C9orf72: variants seen among roughly 807,000 people sequenced by gnomAD.
The protein encoded by C9orf72 is guanine nucleotide exchange factor C9orf72.
A neutral mutation model predicts 51.6 loss-of-function variants in C9orf72; 44 were observed. The observed-to-expected ratio is 0.85, with a 90% CI of 0.67 to 1.10. The LOEUF (loss-of-function observed/expected upper bound fraction) is 1.10, where lower values mean the gene tolerates loss of function less well. Among genes scored for constraint, C9orf72 ranks in the 50% least tolerant of loss-of-function variants. The pLI, the probability that C9orf72 is intolerant of heterozygous loss-of-function variation, is 0.00. For synonymous variants in C9orf72, 213 were observed against 194.2 expected (o/e 1.10, Z -0.81); for missense variants, 607 against 570.6 (o/e 1.06, Z -0.65).
At position 27,550,180 on chromosome 9, in the gene C9orf72, A is replaced by G. The variant is rs570497304; in HGVS notation, c.1149+470T>C. Among the ~76,000 whole-genome samples, 11 of 150,262 alleles carry G rather than the reference A, an allele frequency of 7.3e-5. No individual in the cohort carries two copies. In the South Asian group the frequency reaches 2.3e-3, roughly 31 times the overall value. On this transcript the variant is annotated intron_variant, in intron 9 of 10. Coordinates refer to ENST00000380003, the MANE Select transcript of C9orf72 (RefSeq NM_018325.5). Reference sequence around the variant, plus strand: ...GGTAATATGTATATATGCTCGTACTATATATATATACACACACAAACATAT... The same window carrying G: ...GGTAATATGTATATATGCTCGTACTGTATATATATACACACACAAACATAT...
Position 27,558,487 on chromosome 9 carries a change from A to G in C9orf72, c.855+4T>C. ...GTTTCACTTGTGATAACTAGAAACT[A>G]TACCTTTAGCAGGCCTTGTACAAAG... On this transcript the variant is annotated splice_donor_region_variant and intron_variant, in intron 7 of 10. Transcript: ENST00000380003. The G allele has an allele frequency of 6.7e-7, 1 of 1,488,480 alleles. No homozygotes were observed. The highest frequency in any genetic ancestry group is 9.3e-7 in the Non-Finnish European group (1 of 1,079,390). The allele number at this position is 1,488,480 out of a possible 1,614,324, so 92.2% of individuals were successfully genotyped here.
At chr9:27,561,518 T>C (rs1391761066) in intron 5 of C9orf72, 67 bp downstream of exon 5, 1 of 1,590,250 alleles carries the variant, frequency 6.3e-7, no homozygotes, top group African/African-American at 1.4e-5. Flanking sequence ...TTCTTCCAAA[T>C]CTTGTCATAG....
At chr9:27,563,410 T>C (rs1819396296) in intron 3 of C9orf72, among the ~76,000 whole-genome samples, 1 of 152,204 alleles carries the variant, frequency 6.6e-6, no homozygotes, top group African/African-American at 2.4e-5. Context: ...ATCAGTTTTG[T>C]GACCAACTTG....
intron 8 of C9orf72, among the ~76,000 whole-genome samples, chr9:27,553,979 C>A (rs1218199955): frequency 6.6e-6 from 1 of 152,020 alleles, no homozygotes; most frequent in Non-Finnish European, 1.5e-5. Context: ...CAAATCAATT[C>A]TCTAGGAATG....
At chr9:27,566,586 C>T in intron 2 of C9orf72, 91 bp downstream of exon 2, 3 of 839,942 alleles carry the variant, frequency 3.6e-6, no homozygotes, top group Non-Finnish European at 5.5e-6. Flanking sequence ...ATGTTCACTG[C>T]ATATAATTAA....
Position 27,560,312 on chromosome 9 carries a change from G to T in C9orf72, c.666-13C>A. 6.3e-7 allele frequency: 1 copy of T among 1,594,414 alleles called. No homozygotes were observed. Among genetic ancestry groups the T allele is most frequent in the South Asian group, 1.1e-5 (1 of 88,276 alleles). On this transcript the variant is annotated splice_polypyrimidine_tract_variant and intron_variant, in intron 5 of 10. Coordinates refer to ENST00000380003, the MANE Select transcript of C9orf72 (RefSeq NM_018325.5). Reference sequence around the variant, plus strand: ...TGAGCTGATGGCACTGTAAGTTAAAGAAAACAGATTAAAAACATTGCCTAT... The same window carrying T: ...TGAGCTGATGGCACTGTAAGTTAAATAAAACAGATTAAAAACATTGCCTAT...
rs755906381 is a variant in C9orf72 at position 27,550,675 on chromosome 9, G to C, written c.1124C>G (p.Thr375Ser). Residue 375 changes from threonine to serine, a missense_variant, in exon 9 of 11, where the codon ACT (threonine) becomes AGT (serine). Physicochemically the swap from Thr to Ser is moderately conservative, Grantham distance 58 (BLOSUM62 1). Transcript: ENST00000380003. ...CTGATCCAGGAAGGCTTTCACTAGA[G>C]TGTCTCTGTGTAAGACATCTTGAAA... Reference protein sequence around the residue: ...NIFQDVLHRDTLVKAFLDQVF... With the variant: ...NIFQDVLHRDSLVKAFLDQVF... 1.3e-6 allele frequency: 2 copies of C among 1,589,690 alleles called. No homozygotes were observed. Among genetic ancestry groups the C allele is most frequent in the South Asian group, 1.1e-5 (1 of 88,228 alleles).
intron 3 of C9orf72, among the ~76,000 whole-genome samples, chr9:27,564,707 T>C (rs1374328654): frequency 1.3e-5 from 2 of 152,056 alleles, no homozygotes; most frequent in African/African-American, 2.4e-5. Context: ...TTTTTTAAAG[T>C]ATCATCTGTC....
At chr9:27,570,429 C>T (rs971884086) in intron 1 of C9orf72, among the ~76,000 whole-genome samples, 1 of 152,180 alleles carries the variant, frequency 6.6e-6, no homozygotes, top group Non-Finnish European at 1.5e-5. Context: ...AATATTTCAT[C>T]ATTAAACTGA....
chr9:27,548,797 C>A (rs189673974), intron 9 of C9orf72, 131 bp from the exon 10 acceptor site: 2 of 585,728 alleles, frequency 3.4e-6, no homozygotes, highest in Non-Finnish European at 6.2e-6. Flanking sequence ...TCCACTGATG[C>A]CCCCTAACAG....
At chr9:27,561,151 AG>A in intron 5 of C9orf72, 1 of 650,162 alleles carries the variant, frequency 1.5e-6, no homozygotes, top group Non-Finnish European at 1.9e-6. Flanking sequence ...GCATTAATCC[AG>A]GGAGTCTGGT....
At chr9:27,553,548 ACAAAAATCAAC>A (rs1820951321) in intron 8 of C9orf72, among the ~76,000 whole-genome samples, 1 of 152,216 alleles carries the variant, frequency 6.6e-6, no homozygotes. Flanking sequence ...TGTGCCATAT[ACAAAAATCAAC>A]TCAAGATGGA....
chr9:27,572,761 A>AT (rs1489938880), intron 1 of C9orf72, among the ~76,000 whole-genome samples: 1 of 152,160 alleles, frequency 6.6e-6, no homozygotes, highest in Non-Finnish European at 1.5e-5. Flanking sequence ...TAGACAACTG[A>AT]TTACCATCAG....
intron 7 of C9orf72, 68 bp downstream of exon 7, chr9:27,558,423 T>C (rs1819260509): frequency 1.2e-6 from 1 of 836,340 alleles, no homozygotes; most frequent in African/African-American, 1.7e-5. Context: ...TATTTAAGAT[T>C]TGTCTATAAA....
At chr9:27,550,591 T>C in intron 9 of C9orf72, 59 bp downstream of exon 9, 1 of 1,035,770 alleles carries the variant, frequency 9.7e-7, no homozygotes, top group South Asian at 1.4e-5. Context: ...TTGTAGGATA[T>C]ATTAAAAAAG....
chr9:27,547,134 G>GA lies in C9orf72; in HGVS notation c.*1101dup, dbSNP rs1434096121. On this transcript the variant is annotated 3_prime_UTR_variant, in exon 11 of 11. Coordinates refer to ENST00000380003, the MANE Select transcript of C9orf72 (RefSeq NM_018325.5). Reference sequence around the variant, plus strand: ...TTAGCTCTGCCAAAGTAGCACCTAGGAAAACAGCACTTCAGTAAAATTTCT... The same window carrying GA: ...TTAGCTCTGCCAAAGTAGCACCTAGGAAAAACAGCACTTCAGTAAAATTTCT... The GA allele has an allele frequency of 6.6e-6, 1 of 152,552 alleles. No homozygotes were observed. Among genetic ancestry groups the GA allele is most frequent in the African/African-American group, 2.4e-5 (1 of 41,430 alleles). The allele number at this position is 152,552 out of a possible 1,614,324, so 9.4% of individuals were successfully genotyped here.
Position 27,566,681 on chromosome 9 carries a change from T to G in C9orf72, c.440A>C (p.His147Pro). The change falls in exon 2 of 11, where the codon CAT becomes CCT. Residue 147 changes from histidine (H) to proline (P), a missense_variant. Physicochemically the swap from His to Pro is moderately conservative, Grantham distance 77 (BLOSUM62 -2). Coordinates refer to ENST00000380003, the MANE Select transcript of C9orf72 (RefSeq NM_018325.5). ...HIIRKGRIWM[H>P]KERQENVQKI... is the part of the protein sequence containing the mutation. ...ATAAGCTGAAAAATCACTTACCTTA[T>G]GCATCCATATTCTTCCTTTCCGGAT... 1 of 1,587,628 alleles carries G rather than the reference T, an allele frequency of 6.3e-7. No individual in the cohort carries two copies. The highest frequency in any genetic ancestry group is 8.6e-7 in the Non-Finnish European group (1 of 1,163,756).
At chr9:27,556,149 T>C (rs942171490) in intron 8 of C9orf72, among the ~76,000 whole-genome samples, 1 of 152,074 alleles carries the variant, frequency 6.6e-6, no homozygotes, top group African/African-American at 2.4e-5. Flanking sequence ...TTTATATTCA[T>C]ATGTCAAGAA....
At chr9:27,558,812 G>T in intron 6 of C9orf72, 1 of 452,684 alleles carries the variant, frequency 2.2e-6, no homozygotes, top group South Asian at 2.8e-5. Flanking sequence ...GAAAATGCTT[G>T]GTAAATTTAC....
Sources: gnomAD v4.1 joint callset for allele counts (sites outside exome capture counted in the v4.1 genomes callset) on GRCh38, gnomAD v4.1.1 for gene constraint, MANE v1.5 for transcripts, NCBI Gene and HGNC (gene_info 2026-07-23, HGNC 2026-07-21) for gene names.